The following FGD3 variants were observed in gnomAD, a reference collection of about 807,000 sequenced individuals.
FGD3 encodes FYVE, RhoGEF and PH domain containing 3, also known as FYVE, RhoGEF and PH domain-containing protein 3.
FGD3 carries 45 observed loss-of-function variants against 71.8 expected under a neutral mutation model. The observed-to-expected ratio is 0.63, with a 90% CI of 0.49 to 0.80. The LOEUF is 0.80. Among genes scored for constraint, FGD3 ranks in the 30% least tolerant of loss-of-function variants. The probability of loss-of-function intolerance (pLI) is 0.00; values close to 1 mark genes in which losing one functional copy is unlikely to be tolerated. For synonymous variants in FGD3, 378 were observed against 392.8 expected, an observed-to-expected ratio of 0.96 and a Z score of 0.44; for missense variants, 844 against 951.5, an observed-to-expected ratio of 0.89 and a Z score of 1.49.
chr9:93,034,602 G>C lies in FGD3; in HGVS notation c.1847G>C (p.Ser616Thr). Residue 616 changes from serine (S) to threonine (T), a missense_variant, in exon 17 of 18, where the codon AGC becomes ACC. By Grantham distance (58) the Ser-to-Thr change is moderately conservative. Coordinates refer to ENST00000375482, the MANE Select transcript of FGD3 (RefSeq NM_001083536.2). ...TGCGGCCCCCTGCGGCTGTCAGAGA[G>C]CGGTGAGACCTGGAGCGAGGTGTGG... ...LLCGPLRLSE[S>T]GETWSEVWAA... 6.2e-7 allele frequency: 1 copy of C among 1,613,542 alleles called. No homozygotes were observed. The highest frequency in any genetic ancestry group is 8.5e-7 in the Non-Finnish European group (1 of 1,179,896).
chr9:92,977,547 C>T (rs1859812329), intron 3 of FGD3, among the ~76,000 whole-genome samples: 1 of 152,066 alleles, frequency 6.6e-6, no homozygotes, highest in African/African-American at 2.4e-5. Context: ...GTGCCTGGAC[C>T]ACTGTGAGCT....
rs1410565085 is a variant in FGD3, at chr9:93,003,750, A to G, written c.544-251A>G. On this transcript the variant is annotated intron_variant, in intron 4 of 17. Transcript: ENST00000375482. The surrounding 1 kb of genome is among the most constrained non-coding windows in gnomAD (Gnocchi z 4.1). ...TGAGAGGTGGCTGAGGAAAGATGTCATTCCCTGTCCTCAGGCGACTGTCCC... is the reference window on the plus strand; with the variant it reads ...TGAGAGGTGGCTGAGGAAAGATGTCGTTCCCTGTCCTCAGGCGACTGTCCC... Among the ~76,000 whole-genome samples the G allele has an allele frequency of 2.0e-5, 3 of 152,238 alleles. No individual in the cohort carries two copies. The highest frequency in any genetic ancestry group is 4.4e-5 in the Non-Finnish European group (3 of 68,040).
intron 3 of FGD3, among the ~76,000 whole-genome samples, chr9:92,994,974 T>A (rs1004888640): frequency 1.3e-5 from 2 of 152,214 alleles, no homozygotes; most frequent in Non-Finnish European, 2.9e-5. Flanking sequence ...TTTGGTTCCA[T>A]ATGAACTTTA....
intron 3 of FGD3, among the ~76,000 whole-genome samples, chr9:92,991,603 T>A (rs986415718): frequency 2.0e-5 from 3 of 152,194 alleles, no homozygotes; most frequent in African/African-American, 7.2e-5. Flanking sequence ...ATTCCATGGG[T>A]ACATGAGAAG....
chr9:93,012,654 T>A (rs1448284934), intron 8 of FGD3, among the ~76,000 whole-genome samples: 2 of 122,190 alleles, frequency 1.6e-5, no homozygotes, highest in Admixed American at 9.4e-5. Context: ...GTGTGGTGGC[T>A]CACACCTGTG....
At chr9:92,993,466 CT>C (rs1181687563) in intron 3 of FGD3, among the ~76,000 whole-genome samples, 1 of 151,916 alleles carries the variant, frequency 6.6e-6, no homozygotes, top group Non-Finnish European at 1.5e-5. Context: ...ATGTCTTTTT[CT>C]TTTTTATTAT....
chr9:92,986,685 C>A (rs950334981), intron 3 of FGD3, among the ~76,000 whole-genome samples: 7 of 152,204 alleles, frequency 4.6e-5, no homozygotes, highest in African/African-American at 1.7e-4. Context: ...TAAAGGACCA[C>A]AGAGTGAGGC....
intron 15 of FGD3, chr9:93,032,370 G>A (rs759980868): frequency 1.0e-5 from 2 of 192,110 alleles, no homozygotes; most frequent in Middle Eastern, 2.3e-3. Flanking sequence ...TCTTTTTGTC[G>A]CTGTTGTCAT....
intron 14 of FGD3, among the ~76,000 whole-genome samples, chr9:93,029,233 G>A (rs1050483701): frequency 6.6e-6 from 1 of 151,874 alleles, no homozygotes; most frequent in Admixed American, 6.6e-5. Flanking sequence ...TAGAGGTGGA[G>A]TTTCACCATG....
At position 93,011,210 on chromosome 9, in the gene FGD3, G is replaced by A; in HGVS notation, c.977-4G>A. The A allele has an allele frequency of 6.2e-7, 1 of 1,614,136 alleles. No individual in the cohort carries two copies. Among genetic ancestry groups the A allele is most frequent in the Non-Finnish European group, 8.5e-7 (1 of 1,179,990 alleles). On this transcript the variant is annotated splice_polypyrimidine_tract_variant and splice_region_variant and intron_variant, in intron 7 of 17. Transcript: ENST00000375482. Reference sequence around the variant, plus strand: ...CCAGGCTGAACACAGTCTTCTTCCTGCAGGGTCCTTGGAGCTCATCTCCAC... The same window carrying A: ...CCAGGCTGAACACAGTCTTCTTCCTACAGGGTCCTTGGAGCTCATCTCCAC...
rs1861251083 is a variant in FGD3, at chr9:93,010,120, G to C, written c.838-126G>C. The C allele has an allele frequency of 4.3e-6, 5 of 1,156,592 alleles. No homozygotes were observed. In the Admixed American group the frequency reaches 1.3e-4, roughly 29 times the overall value. 71.6% of individuals were successfully genotyped at this position (1,156,592 alleles called of 1,614,324 possible). ...GTGTGGTCTGTGTCAGCCATGTCTTGAAGGACAGTCAGTTCTGGGCAGCCA... is the reference window on the plus strand; with the variant it reads ...GTGTGGTCTGTGTCAGCCATGTCTTCAAGGACAGTCAGTTCTGGGCAGCCA... On this transcript the variant is annotated intron_variant, in intron 6 of 17. Coordinates refer to ENST00000375482, the MANE Select transcript of FGD3 (RefSeq NM_001083536.2).
chr9:92,978,089 C>T (rs1859836781), intron 3 of FGD3, among the ~76,000 whole-genome samples: 1 of 152,044 alleles, frequency 6.6e-6, no homozygotes, highest in Non-Finnish European at 1.5e-5. Flanking sequence ...TTGAGACCAG[C>T]CTGACCAACA....
intron 6 of FGD3, among the ~76,000 whole-genome samples, chr9:93,007,635 C>T (rs2118720698): frequency 6.6e-6 from 1 of 152,276 alleles, no homozygotes; most frequent in East Asian, 1.9e-4. Flanking sequence ...ATGACATCTG[C>T]CTGGGGACAC....
At chr9:92,957,606 A>G (rs1159352152) in intron 1 of FGD3, among the ~76,000 whole-genome samples, 1 of 151,792 alleles carries the variant, frequency 6.6e-6, no homozygotes, top group African/African-American at 2.4e-5. Flanking sequence ...TCTGGACACA[A>G]ATCTTTTATC....
chr9:92,962,565 A>C (rs1334372347), intron 1 of FGD3, among the ~76,000 whole-genome samples: 1 of 152,248 alleles, frequency 6.6e-6, no homozygotes, highest in African/African-American at 2.4e-5. Context: ...TACCATAGGC[A>C]AAGCCCTCAT....
intron 1 of FGD3, among the ~76,000 whole-genome samples, chr9:92,972,996 T>C (rs1243117341): frequency 6.6e-6 from 1 of 152,118 alleles, no homozygotes; most frequent in Non-Finnish European, 1.5e-5. Context: ...ACAGACATGA[T>C]AGTAGTTTTT....
intron 1 of FGD3, among the ~76,000 whole-genome samples, chr9:92,970,804 C>T (rs940472135): frequency 3.9e-5 from 6 of 152,146 alleles, no homozygotes; most frequent in African/African-American, 7.2e-5. Context: ...TTTGTTTATG[C>T]ATGTGTGCAT....
intron 1 of FGD3, among the ~76,000 whole-genome samples, chr9:92,962,633 A>G (rs1587812647): frequency 1.3e-5 from 2 of 152,314 alleles, no homozygotes; most frequent in African/African-American, 4.8e-5. Flanking sequence ...TGGAGGAAGA[A>G]TGGAGTCTTC....
chr9:93,017,805 G>C (rs1291780760), intron 10 of FGD3, among the ~76,000 whole-genome samples: 1 of 152,166 alleles, frequency 6.6e-6, no homozygotes, highest in Non-Finnish European at 1.5e-5. Context: ...GGAATGGCTT[G>C]GCTTTAAGGA....
Sources: allele counts gnomAD v4.1 joint callset (sites outside exome capture counted in the v4.1 genomes callset), GRCh38; gene constraint gnomAD v4.1.1; non-coding constraint Gnocchi (gnomAD v3.1); transcripts MANE v1.5; gene names NCBI Gene and HGNC (gene_info 2026-07-23, HGNC 2026-07-21).